The following EXO1 variants were observed in gnomAD, a reference collection of about 807,000 sequenced individuals.
EXO1 encodes exonuclease 1.
Under a neutral mutation model 84.5 loss-of-function variants are expected in EXO1, and 69 were observed. The observed-to-expected ratio is 0.82, with a 90% CI of 0.67 to 1.00. The LOEUF is 1.00. EXO1 is among the 50% of genes least tolerant of loss of function. EXO1 has a pLI of 0.00. For missense variants in EXO1, 1,045 were observed against 1,000.7 expected (o/e 1.04, Z -0.60); for synonymous variants, 373 against 366.1 (o/e 1.02, Z -0.21).
intron 12 of EXO1, 118 bp from the exon 13 acceptor site, chr1:241,878,631 A>G (rs1776147): frequency 0.58 from 383,073 of 656,118 alleles, 113,786 homozygotes; most frequent in East Asian, 0.82. Flanking sequence ...ATGAAATTAT[A>G]TATTTATGAG....
intron 13 of EXO1, among the ~76,000 whole-genome samples, chr1:241,881,539 A>C (rs1234023896): frequency 6.6e-6 from 1 of 152,232 alleles, no homozygotes; most frequent in African/African-American, 2.4e-5. Flanking sequence ...GATTAAAAGA[A>C]GGGATGGAGC....
chr1:241,866,565 T>TA (rs1253362804), intron 10 of EXO1, among the ~76,000 whole-genome samples: 2 of 149,558 alleles, frequency 1.3e-5, no homozygotes, highest in Non-Finnish European at 3.0e-5. Context: ...ACTCTTGATT[T>TA]TTTTTTTTTT....
intron 5 of EXO1, among the ~76,000 whole-genome samples, chr1:241,852,866 A>G (rs1037954157): frequency 8.5e-5 from 13 of 152,246 alleles, no homozygotes; most frequent in African/African-American, 3.1e-4. Flanking sequence ...CCTGTTGGCC[A>G]GGCTGGTCTC....
At position 241,872,317 on chromosome 1, in the gene EXO1, T is replaced by C. The variant is rs368937167; in HGVS notation, c.1514+39T>C. 5 of 1,601,406 alleles carry C rather than the reference T, an allele frequency of 3.1e-6. No homozygotes were observed. In the African/African-American group the frequency reaches 5.4e-5, roughly 17 times the overall value. On this transcript the variant is annotated intron_variant, in intron 12 of 15. Coordinates refer to ENST00000366548, the MANE Select transcript of EXO1 (RefSeq NM_130398.4). The stretch of plus-strand genomic sequence containing the variant: ...TCCAGAATGTTGATTGTCTGTTGTA[T>C]TATGTACTCTGTTGGTATTTATTTT...
At chr1:241,853,944 G>A (rs1660809625) in intron 6 of EXO1, among the ~76,000 whole-genome samples, 1 of 152,076 alleles carries the variant, frequency 6.6e-6, no homozygotes, top group Non-Finnish European at 1.5e-5. Context: ...TACTGTAACC[G>A]GCACTCTTGA....
chr1:241,872,727 G>A (rs1017188763), intron 12 of EXO1, among the ~76,000 whole-genome samples: 4 of 152,150 alleles, frequency 2.6e-5, no homozygotes, highest in Non-Finnish European at 5.9e-5. Flanking sequence ...GTGTATATGT[G>A]CCACATTTTC....
At chr1:241,872,823 A>C (rs180738858) in intron 12 of EXO1, among the ~76,000 whole-genome samples, 320 of 152,282 alleles carry the variant, frequency 2.1e-3, no homozygotes, top group African/African-American at 7.4e-3. Flanking sequence ...ATACGTATGC[A>C]TGTGTCTTTA....
chr1:241,872,872 T>A (rs926574249), intron 12 of EXO1, among the ~76,000 whole-genome samples: 3 of 152,216 alleles, frequency 2.0e-5, no homozygotes, highest in African/African-American at 7.2e-5. Flanking sequence ...ATATACCCAG[T>A]AATGGGATTG....
rs201343696 is a variant in EXO1 at position 241,881,969 on chromosome 1, G to C, written c.2163G>C (p.Lys721Asn). Reference protein sequence around the residue: ...LLDSQSDQTSKLRLSHFSKKD... With the variant: ...LLDSQSDQTSNLRLSHFSKKD... The stretch of plus-strand genomic sequence containing the variant: ...ACAGTCAAAGTGACCAGACCTCCAA[G>C]CTACGTTTATCTCATTTCTCAAAAA... The change falls in exon 14 of 16, where the codon AAG (lysine) becomes AAC (asparagine). Residue 721 changes from lysine (K) to asparagine (N), a missense_variant. Coordinates refer to ENST00000366548, the MANE Select transcript of EXO1 (RefSeq NM_130398.4). The C allele has an allele frequency of 1.3e-6, 2 of 1,584,622 alleles. No homozygotes were observed. Among genetic ancestry groups the C allele is most frequent in the African/African-American group, 1.3e-5 (1 of 74,468 alleles).
At position 241,885,832 on chromosome 1, in the gene EXO1, ATTTGGTT is replaced by A. The variant is rs1471786948; in HGVS notation, c.2405+329_2405+335del. 2.3e-4 allele frequency among the ~76,000 whole-genome samples: 28 copies of A among 122,484 alleles called. 1 individual carries two copies. In the East Asian group the frequency reaches 6.1e-3, roughly 27 times the overall value. The allele number at this position is 122,484 out of a possible 152,430, so 80.4% of individuals were successfully genotyped here. A position where few individuals can be genotyped will look rare whatever the true frequency, so the allele number is the denominator to read the frequency against. ...AGGATTGTAAAGAGAATAAAATTTT[ATTTGGTT>A]TTTTGTTTTTTGTTTTTTGTTTTTT... On this transcript the variant is annotated intron_variant, in intron 15 of 15. Coordinates refer to ENST00000366548, the MANE Select transcript of EXO1 (RefSeq NM_130398.4).
At chr1:241,869,788 TTCCTTCCTTCCC>T (rs1371046761) in intron 11 of EXO1, among the ~76,000 whole-genome samples, 1 of 27,302 alleles carries the variant, frequency 3.7e-5, no homozygotes, top group African/African-American at 1.4e-4. Flanking sequence ...CCTTCCTTCC[TTCCTTCCTTCCC>T]TCCCTCCCTC....
chr1:241,863,414 A>C (rs1449549315), intron 10 of EXO1, among the ~76,000 whole-genome samples: 1 of 108,002 alleles, frequency 9.3e-6, no homozygotes, highest in African/African-American at 3.9e-5. Flanking sequence ...AGGCTAAAAA[A>C]AAAAAAAACA....
chr1:241,863,004 A>G (rs767069147), intron 10 of EXO1, among the ~76,000 whole-genome samples: 2 of 152,222 alleles, frequency 1.3e-5, no homozygotes, highest in Non-Finnish European at 2.9e-5. Context: ...AATAGGAAGG[A>G]GAAGGGATTC....
chr1:241,864,675 C>G lies in EXO1; in HGVS notation c.1042-2155C>G, dbSNP rs189739858. Among the ~76,000 whole-genome samples the G allele has an allele frequency of 5.5e-3, 844 of 152,286 alleles. 10 individuals carry two copies. Among genetic ancestry groups the G allele is most frequent in the African/African-American group, 0.019 (799 of 41,558 alleles). The stretch of plus-strand genomic sequence containing the variant: ...GGAATTGGCTTCTCTTTGATATTCT[C>G]TTCTGCAGACAAAGTCTTTTAATTT... On this transcript the variant is annotated intron_variant, in intron 10 of 15. Transcript: ENST00000366548.
At chr1:241,851,359 C>G (rs1275107038) in intron 4 of EXO1, among the ~76,000 whole-genome samples, 1 of 152,186 alleles carries the variant, frequency 6.6e-6, no homozygotes, top group African/African-American at 2.4e-5. Context: ...TGTCACTGAT[C>G]TACAACACAT....
chr1:241,854,866 G>A (rs1457524214), intron 6 of EXO1: 1 of 154,910 alleles, frequency 6.5e-6, no homozygotes, highest in Admixed American at 6.5e-5. Context: ...TCCTTCTGGT[G>A]GGTTCATGGT....
intron 8 of EXO1, 93 bp from the exon 9 acceptor site, chr1:241,860,424 A>C (rs771654329): frequency 5.0e-6 from 5 of 1,006,286 alleles, no homozygotes; most frequent in Admixed American, 1.7e-5. Context: ...TAATGTTTCA[A>C]TCCCTCTTTA....
In EXO1 at chr1:241,885,836, G is replaced by GTTTTTT. The variant is rs1558149058; in HGVS notation, c.2405+329_2405+330insTTTTTT. ...TTGTAAAGAGAATAAAATTTTATTTGGTTTTTTGTTTTTTGTTTTTTGTTT... is the reference window on the plus strand; with the variant it reads ...TTGTAAAGAGAATAAAATTTTATTTGTTTTTTGTTTTTTGTTTTTTGTTTTTTGTTT... On this transcript the variant is annotated intron_variant, in intron 15 of 15. Transcript: ENST00000366548. Among the ~76,000 whole-genome samples the GTTTTTT allele has an allele frequency of 8.0e-3, 304 of 37,814 alleles. 4 individuals carry two copies. In the East Asian group the frequency reaches 0.1, roughly 13 times the overall value. The allele number at this position is 37,814 out of a possible 152,430, so 24.8% of individuals were successfully genotyped here. A position where few individuals can be genotyped will look rare whatever the true frequency, so the allele number is the denominator to read the frequency against.
intron 10 of EXO1, among the ~76,000 whole-genome samples, chr1:241,866,498 T>TTTTATTTA (rs4149944): frequency 6.6e-6 from 1 of 151,708 alleles, no homozygotes; most frequent in Non-Finnish European, 1.5e-5. Flanking sequence ...TTACGAAGAT[T>TTTTATTTA]TTTATTTATT....
Sources: gnomAD v4.1 joint callset for allele counts (sites outside exome capture counted in the v4.1 genomes callset) on GRCh38, gnomAD v4.1.1 for gene constraint, MANE v1.5 for transcripts, NCBI Gene and HGNC (gene_info 2026-07-23, HGNC 2026-07-21) for gene names.